The following FUT9 variants were observed in gnomAD, a reference collection of about 807,000 sequenced individuals.
FUT9 encodes the protein fucosyltransferase 9.
A neutral mutation model predicts 29.7 loss-of-function variants in FUT9; 15 were observed. The ratio of observed to expected loss-of-function variants is 0.51; its 90% confidence interval spans 0.34 to 0.78. FUT9 has a LOEUF of 0.78. Among genes scored for constraint, FUT9 ranks in the 30% least tolerant of loss-of-function variants. FUT9 has a pLI of 0.01. For missense variants in FUT9, 319 were observed against 425.4 expected, an observed-to-expected ratio of 0.75 and a Z score of 2.20; for synonymous variants, 169 against 153.7, an observed-to-expected ratio of 1.10 and a Z score of -0.74.
At chr6:96,089,028 C>T (rs1181308082) in intron 1 of FUT9, among the ~76,000 whole-genome samples, 2 of 152,016 alleles carry the variant, frequency 1.3e-5, no homozygotes. Flanking sequence ...AATTTTGATC[C>T]CATTACTCTT....
chr6:96,151,686 T>C (rs754431396), intron 2 of FUT9, among the ~76,000 whole-genome samples: 28 of 152,200 alleles, frequency 1.8e-4, no homozygotes, highest in Admixed American at 8.5e-4. Flanking sequence ...AGTTTTGTTA[T>C]ATTCAGATTC....
intron 2 of FUT9, among the ~76,000 whole-genome samples, chr6:96,159,176 T>C (rs1214089200): frequency 6.6e-6 from 1 of 152,200 alleles, no homozygotes; most frequent in Non-Finnish European, 1.5e-5. Flanking sequence ...TTTACAAATG[T>C]ATTCCTTTCA....
intron 2 of FUT9, among the ~76,000 whole-genome samples, chr6:96,162,959 C>T (rs940322411): frequency 6.6e-6 from 1 of 152,150 alleles, no homozygotes; most frequent in African/African-American, 2.4e-5. Context: ...TTTTCCCTTG[C>T]AGTGGAGGCC....
intron 1 of FUT9, among the ~76,000 whole-genome samples, chr6:96,028,123 G>A (rs1484906592): frequency 2.0e-5 from 3 of 151,576 alleles, no homozygotes; most frequent in Non-Finnish European, 4.4e-5. Flanking sequence ...CAGAAGAAAA[G>A]AGGAAGATAT....
intron 1 of FUT9, among the ~76,000 whole-genome samples, chr6:96,112,156 G>C (rs1164702503): frequency 6.6e-6 from 1 of 152,160 alleles, no homozygotes; most frequent in African/African-American, 2.4e-5. Context: ...TTGAAGTCAG[G>C]TTTGGATTTG....
At chr6:96,042,738 G>T (rs1048892230) in intron 1 of FUT9, among the ~76,000 whole-genome samples, 12 of 152,144 alleles carry the variant, frequency 7.9e-5, no homozygotes, top group East Asian at 7.7e-4. Flanking sequence ...AAGTGTATTA[G>T]TCCATTGAGT....
chr6:96,085,710 C>T (rs1771305022), intron 1 of FUT9, among the ~76,000 whole-genome samples: 2 of 152,230 alleles, frequency 1.3e-5, no homozygotes, highest in South Asian at 4.1e-4. Context: ...TTATCTTGGC[C>T]AAGGGTCAAA....
chr6:96,202,204 A>G (rs1309340587), intron 2 of FUT9, among the ~76,000 whole-genome samples: 1 of 152,080 alleles, frequency 6.6e-6, no homozygotes, highest in Non-Finnish European at 1.5e-5. Context: ...AAAACTTGAA[A>G]ACACTTTTTT....
chr6:96,173,350 A>G (rs908277781), intron 2 of FUT9, among the ~76,000 whole-genome samples: 1 of 152,018 alleles, frequency 6.6e-6, no homozygotes, highest in South Asian at 2.1e-4. Flanking sequence ...GCCATTCTCC[A>G]CTAAAATGTT....
chr6:96,041,566 C>T (rs1207329678), intron 1 of FUT9, among the ~76,000 whole-genome samples: 1 of 152,122 alleles, frequency 6.6e-6, no homozygotes, highest in Admixed American at 6.5e-5. Flanking sequence ...AGAAATTTTA[C>T]AAAACCAGCT....
chr6:96,151,314 T>G (rs549712806), intron 2 of FUT9, among the ~76,000 whole-genome samples: 1 of 152,172 alleles, frequency 6.6e-6, no homozygotes, highest in Admixed American at 6.5e-5. Context: ...AATAGAATTT[T>G]TTTTCCAAAA....
At chr6:96,105,180 A>G (rs1331679015) in intron 1 of FUT9, among the ~76,000 whole-genome samples, 2 of 152,234 alleles carry the variant, frequency 1.3e-5, no homozygotes, top group African/African-American at 2.4e-5. Context: ...ATTTCTTTGT[A>G]TGCAGTGAGT....
chr6:96,192,406 T>C (rs911778345), intron 2 of FUT9, among the ~76,000 whole-genome samples: 3 of 152,008 alleles, frequency 2.0e-5, no homozygotes, highest in Non-Finnish European at 4.4e-5. Flanking sequence ...TATACACCAA[T>C]AACTGACAAA....
chr6:96,124,246 G>T (rs1772089779), intron 2 of FUT9, among the ~76,000 whole-genome samples: 1 of 150,604 alleles, frequency 6.6e-6, no homozygotes, highest in Admixed American at 6.6e-5. Context: ...CCGCCTCCCG[G>T]GTTCACACCA....
chr6:96,033,292 T>C (rs1209702599), intron 1 of FUT9, among the ~76,000 whole-genome samples: 1 of 151,636 alleles, frequency 6.6e-6, no homozygotes, highest in Admixed American at 6.6e-5. Context: ...GTAATACTTT[T>C]CAGCTTGTGA....
In FUT9 at chr6:96,204,890, T is replaced by A. The variant is rs1399274800; in HGVS notation, c.*655T>A. ...GCTGATTTGCAGCTACTTATTCTCA[T>A]GGTCTTAAATTAAATTATTCAAGTA... On this transcript the variant is annotated 3_prime_UTR_variant, in exon 3 of 3. Transcript: ENST00000302103. 1.8e-5 allele frequency: 3 copies of A among 164,450 alleles called. No individual in the cohort carries two copies. Among genetic ancestry groups the A allele is most frequent in the Non-Finnish European group, 4.4e-5 (3 of 68,056 alleles). The allele number at this position is 164,450 out of a possible 1,614,324, so 10.2% of individuals were successfully genotyped here.
At chr6:96,153,990 CTG>C (rs1383210717) in intron 2 of FUT9, among the ~76,000 whole-genome samples, 1 of 152,170 alleles carries the variant, frequency 6.6e-6, no homozygotes, top group Non-Finnish European at 1.5e-5. Context: ...GATCATCAGA[CTG>C]TATGTTTCTG....
chr6:96,123,767 C>A (rs1401298893), intron 2 of FUT9, among the ~76,000 whole-genome samples: 1 of 151,810 alleles, frequency 6.6e-6, no homozygotes, highest in South Asian at 2.1e-4. Flanking sequence ...TTCCTAGGAG[C>A]GTGGGGACAT....
chr6:96,166,763 T>A (rs4615399), intron 2 of FUT9, among the ~76,000 whole-genome samples: 138,735 of 152,134 alleles, frequency 0.91, 64,623 homozygotes, highest in Non-Finnish European at 1. Flanking sequence ...CAAGAGTCTG[T>A]TGTAAAATGG....
Sources: gnomAD v4.1 joint callset for allele counts (sites outside exome capture counted in the v4.1 genomes callset) on GRCh38, gnomAD v4.1.1 for gene constraint, MANE v1.5 for transcripts, NCBI Gene and HGNC (gene_info 2026-07-23, HGNC 2026-07-21) for gene names.